The following RPRD2 variants were observed in gnomAD, a reference collection of about 807,000 sequenced individuals.
RPRD2 encodes the protein regulation of nuclear pre-mRNA domain containing 2.
RPRD2 carries 12 observed loss-of-function variants against 104.4 expected under a neutral mutation model. The ratio of observed to expected loss-of-function variants is 0.11; its 90% CI spans 0.07 to 0.19. RPRD2 has a LOEUF of 0.19. Ranked by LOEUF, RPRD2 falls within the 10% of genes least tolerant of loss-of-function variation. The pLI, the probability that RPRD2 is intolerant of heterozygous loss-of-function variation, is 1.00. For synonymous variants in RPRD2, 714 were observed against 684.9 expected (o/e 1.04, Z -0.66); for missense variants, 1,543 against 1,790.1 (o/e 0.86, Z 2.49).
At chr1:150,421,836 G>A (rs1553889659) in intron 2 of RPRD2, among the ~76,000 whole-genome samples, 3 of 152,128 alleles carry the variant, frequency 2.0e-5, no homozygotes, top group South Asian at 2.1e-4. Flanking sequence ...AAATTAGCCA[G>A]GTGTGGTGGC....
chr1:150,375,001 C>T (rs1660594848), intron 1 of RPRD2, among the ~76,000 whole-genome samples: 1 of 146,772 alleles, frequency 6.8e-6, no homozygotes, highest in African/African-American at 2.6e-5. Flanking sequence ...CTTTAGATGC[C>T]TAAGTCACCT....
chr1:150,370,916 G>A (rs1660250583), intron 1 of RPRD2, among the ~76,000 whole-genome samples: 1 of 151,908 alleles, frequency 6.6e-6, no homozygotes. Flanking sequence ...AAAATAGAAG[G>A]GTAATGACAC....
At position 150,472,351 on chromosome 1, in the gene RPRD2, G is replaced by A. The variant is rs1296278346; in HGVS notation, c.3403G>A (p.Gly1135Ser). 6.2e-7 allele frequency: 1 copy of A among 1,613,988 alleles called. No individual in the cohort carries two copies. The highest frequency in any genetic ancestry group is 8.5e-7 in the Non-Finnish European group (1 of 1,179,900). ...RVGWFDLSTS[G>S]SSFDNGPSSA... is the part of the protein sequence containing the mutation. Reference sequence around the variant, plus strand: ...GGGTTGGTTTGATCTGAGCACATCAGGTAGCTCTTTTGACAATGGCCCTTC... The same window carrying A: ...GGGTTGGTTTGATCTGAGCACATCAAGTAGCTCTTTTGACAATGGCCCTTC... The change falls in exon 11 of 11, where the codon GGT (glycine) becomes AGT (serine). Residue 1135 changes from glycine (G) to serine (S), a missense_variant. Physicochemically the swap from Gly to Ser is moderately conservative, Grantham distance 56. This residue lies in a region of RPRD2 where 880 missense variants were observed against 885.6 expected (regional missense o/e 0.99). Transcript: ENST00000369068.
In RPRD2 at chr1:150,475,414, C is replaced by T. The variant is rs1668845738; in HGVS notation, c.*2080C>T. The T allele has an allele frequency of 6.6e-6, 1 of 152,406 alleles. No individual in the cohort carries two copies. The highest frequency in any genetic ancestry group is 1.5e-5 in the Non-Finnish European group (1 of 67,976). 9.4% of individuals were successfully genotyped at this position (152,406 alleles called of 1,614,324 possible). On this transcript the variant is annotated 3_prime_UTR_variant, in exon 11 of 11. Coordinates refer to ENST00000369068, the MANE Select transcript of RPRD2 (RefSeq NM_015203.5). Reference sequence around the variant, plus strand: ...TGTTTACTTGATAAGGCTCTCTGACCATTTAATTTTTATCAGAAAATGTGG... The same window carrying T: ...TGTTTACTTGATAAGGCTCTCTGACTATTTAATTTTTATCAGAAAATGTGG...
At chr1:150,469,330 C>T (rs1440609529) in intron 10 of RPRD2, among the ~76,000 whole-genome samples, 4 of 152,092 alleles carry the variant, frequency 2.6e-5, no homozygotes, top group Admixed American at 6.6e-5. Context: ...GGCTGGTGTG[C>T]AGTGGCAGAG....
At chr1:150,406,718 C>CT (rs1311635118) in intron 1 of RPRD2, among the ~76,000 whole-genome samples, 1 of 151,924 alleles carries the variant, frequency 6.6e-6, no homozygotes, top group Admixed American at 6.6e-5. Flanking sequence ...CAAGTAAATT[C>CT]TTTTTTTCTT....
At chr1:150,440,288 G>A (rs1287267636) in intron 2 of RPRD2, among the ~76,000 whole-genome samples, 2 of 151,300 alleles carry the variant, frequency 1.3e-5, no homozygotes, top group Non-Finnish European at 3.0e-5. Context: ...GACTGGTCTC[G>A]AACTCCTGAC....
intron 1 of RPRD2, among the ~76,000 whole-genome samples, chr1:150,369,623 A>ATTTTTTTTTTTTTTTTTTTTTTTTT (rs61016870): frequency 7.3e-5 from 5 of 68,866 alleles, no homozygotes; most frequent in Non-Finnish European, 1.5e-4. Context: ...CGCCCAGCTA[A>ATTTTTTTTTTTTTTTTTTTTTTTTT]TTTTTTTTTT....
rs782292231 is a variant in RPRD2, at chr1:150,417,699, A to C, written c.309A>C (p.Val103=). The C allele has an allele frequency of 1.9e-6, 3 of 1,606,876 alleles. No homozygotes were observed. The highest frequency in any genetic ancestry group is 2.6e-6 in the Non-Finnish European group (3 of 1,175,124). The change falls in exon 2 of 11, where the codon GTA becomes GTC. Residue 103 remains valine, a synonymous_variant. Transcript: ENST00000369068. The part of the protein sequence containing the change: ...AIIFRESFAD[V]LPEAAALVKD... ...TATTCCGTGAATCATTTGCTGATGT[A>C]CTTCCTGAAGCAGCTGCTCTAGTGA...
chr1:150,438,384 G>A (rs1425587404), intron 2 of RPRD2, among the ~76,000 whole-genome samples: 1 of 152,046 alleles, frequency 6.6e-6, no homozygotes, highest in East Asian at 1.9e-4. Context: ...CCAGCACTTT[G>A]GGAGGCCAAG....
intron 1 of RPRD2, among the ~76,000 whole-genome samples, chr1:150,405,743 T>A (rs891145682): frequency 1.3e-5 from 2 of 152,174 alleles, no homozygotes; most frequent in African/African-American, 2.4e-5. Flanking sequence ...TTCATAAGTT[T>A]TAAATTGTGC....
At chr1:150,365,780 G>T (rs1553877065) in intron 1 of RPRD2, among the ~76,000 whole-genome samples, 2 of 151,990 alleles carry the variant, frequency 1.3e-5, no homozygotes, top group Non-Finnish European at 2.9e-5. Context: ...TAGTAGAGAC[G>T]GGGTTTCATC....
chr1:150,464,831 A>G, intron 10 of RPRD2, 104 bp downstream of exon 10: 1 of 650,124 alleles, frequency 1.5e-6, no homozygotes, highest in Non-Finnish European at 2.5e-6. Flanking sequence ...AAAATGTATA[A>G]CACAGTTAAT....
At chr1:150,441,174 A>G in intron 3 of RPRD2, 151 bp downstream of exon 3, 1 of 495,096 alleles carries the variant, frequency 2.0e-6, no homozygotes, top group Non-Finnish European at 3.5e-6. Flanking sequence ...TGAAAAATCT[A>G]GATCTGTTTG....
intron 1 of RPRD2, among the ~76,000 whole-genome samples, chr1:150,409,719 G>T (rs1181438126): frequency 1.4e-5 from 2 of 143,944 alleles, no homozygotes; most frequent in African/African-American, 5.0e-5. Flanking sequence ...CGCAATCTTG[G>T]CTCACTGTAA....
intron 1 of RPRD2, among the ~76,000 whole-genome samples, chr1:150,408,331 A>G (rs1361906686): frequency 6.6e-6 from 1 of 151,492 alleles, no homozygotes; most frequent in Non-Finnish European, 1.5e-5. Flanking sequence ...CGGCCAGCTA[A>G]TTTTTGTATT....
intron 1 of RPRD2, among the ~76,000 whole-genome samples, chr1:150,370,668 G>T (rs925723833): frequency 6.9e-6 from 1 of 145,346 alleles, no homozygotes; most frequent in Non-Finnish European, 1.5e-5. Flanking sequence ...TCTGCCCCCT[G>T]GGTTCAAGTG....
intron 1 of RPRD2, among the ~76,000 whole-genome samples, chr1:150,404,476 G>A (rs1286885128): frequency 6.6e-6 from 1 of 151,674 alleles, no homozygotes; most frequent in Admixed American, 6.6e-5. Flanking sequence ...GAACTTCTAA[G>A]CTCAGGCATT....
chr1:150,422,081 G>C (rs1664793190), intron 2 of RPRD2, among the ~76,000 whole-genome samples: 1 of 151,774 alleles, frequency 6.6e-6, no homozygotes, highest in Non-Finnish European at 1.5e-5. Context: ...CCAGCACTTT[G>C]GGAGGCCAAG....
Sources: gnomAD v4.1 joint callset for allele counts (sites outside exome capture counted in the v4.1 genomes callset) on GRCh38, gnomAD v4.1.1 for gene constraint, gnomAD v4.1.1 regional missense constraint, MANE v1.5 for transcripts, NCBI Gene and HGNC (gene_info 2026-07-23, HGNC 2026-07-21) for gene names.